SAMD12: variants seen among roughly 807,000 people sequenced by gnomAD.
SAMD12 encodes the protein sterile alpha motif domain containing 12.
Under a neutral mutation model 15.0 loss-of-function variants are expected in SAMD12, and 9 were observed. The ratio of observed to expected loss-of-function variants is 0.60; its 90% CI spans 0.36 to 1.05. The LOEUF is 1.05. SAMD12 is among the 50% of genes least tolerant of loss of function. SAMD12 has a pLI of 0.01. For missense variants in SAMD12, 230 were observed against 234.2 expected, an observed-to-expected ratio of 0.98 and a Z score of 0.12; for synonymous variants, 86 against 90.1, an observed-to-expected ratio of 0.96 and a Z score of 0.25.
chr8:118,292,673 T>C (rs1255792734), intron 4 of SAMD12, among the ~76,000 whole-genome samples: 1 of 151,854 alleles, frequency 6.6e-6, no homozygotes, highest in Non-Finnish European at 1.5e-5. Flanking sequence ...AATGATAGAC[T>C]GGATTAAGAA....
chr8:118,221,245 G>T (rs1169783302), intron 4 of SAMD12, among the ~76,000 whole-genome samples: 1 of 152,160 alleles, frequency 6.6e-6, no homozygotes, highest in Non-Finnish European at 1.5e-5. Context: ...GAGGGATGGG[G>T]GTGGGATGAA....
chr8:118,251,094 G>T (rs1421323210), intron 4 of SAMD12, among the ~76,000 whole-genome samples: 6 of 152,222 alleles, frequency 3.9e-5, no homozygotes, highest in South Asian at 2.1e-4. Flanking sequence ...CGATAGCTGT[G>T]GTCATAGGTA....
the SAMD12 span, among the ~76,000 whole-genome samples, chr8:118,153,236 G>A: frequency 6.6e-6 from 1 of 152,330 alleles, no homozygotes; most frequent in East Asian, 1.9e-4. Flanking sequence ...TGCATCTTGA[G>A]TGTTTGTTGC....
At chr8:118,528,272 T>A (rs1024919787) in intron 2 of SAMD12, among the ~76,000 whole-genome samples, 1 of 152,226 alleles carries the variant, frequency 6.6e-6, no homozygotes, top group Non-Finnish European at 1.5e-5. Flanking sequence ...CCTCAGGTGA[T>A]CTGCCCGCCT....
chr8:118,617,738 A>G (rs1242718070), intron 1 of SAMD12, among the ~76,000 whole-genome samples: 1 of 152,120 alleles, frequency 6.6e-6, no homozygotes, highest in Admixed American at 6.5e-5. Flanking sequence ...AGACTCGTGC[A>G]TTTATATGTC....
At chr8:118,187,412 C>T (rs1449532246), downstream of SAMD12, among the ~76,000 whole-genome samples, 1 of 152,124 alleles carries the variant, frequency 6.6e-6, no homozygotes, top group Non-Finnish European at 1.5e-5. Context: ...ATCTCCTCAA[C>T]CAGCGCCAGC....
chr8:118,475,215 G>T (rs1349517725), intron 2 of SAMD12, among the ~76,000 whole-genome samples: 2 of 151,998 alleles, frequency 1.3e-5, no homozygotes, highest in Non-Finnish European at 2.9e-5. Context: ...CTCCAGCCTG[G>T]GTGACAGAGT....
At chr8:118,178,251 CTTATT>C in the SAMD12 span, among the ~76,000 whole-genome samples, 2 of 152,070 alleles carry the variant, frequency 1.3e-5, no homozygotes, top group Non-Finnish European at 2.9e-5. Context: ...AGTGGTAAAT[CTTATT>C]TTAAGCCAAG....
chr8:118,368,728 G>A (rs1732040382), intron 4 of SAMD12, among the ~76,000 whole-genome samples: 2 of 152,278 alleles, frequency 1.3e-5, no homozygotes, highest in South Asian at 4.1e-4. Flanking sequence ...GGAAGAAAAT[G>A]AGAGAAAAGG....
intron 2 of SAMD12, among the ~76,000 whole-genome samples, chr8:118,501,824 G>A (rs1019132240): frequency 1.3e-5 from 2 of 152,154 alleles, no homozygotes; most frequent in Non-Finnish European, 2.9e-5. Flanking sequence ...AGACCATCCT[G>A]GCTAACACGG....
At chr8:118,535,450 G>T (rs1825813515) in intron 2 of SAMD12, among the ~76,000 whole-genome samples, 1 of 152,164 alleles carries the variant, frequency 6.6e-6, no homozygotes, top group Non-Finnish European at 1.5e-5. Flanking sequence ...CTCCATGCTG[G>T]GAGAACCACT....
At chr8:118,554,009 C>A (rs1271332713) in intron 2 of SAMD12, among the ~76,000 whole-genome samples, 2 of 152,052 alleles carry the variant, frequency 1.3e-5, no homozygotes, top group Non-Finnish European at 2.9e-5. Context: ...GTTAGAATGG[C>A]AATCATTAAA....
downstream of SAMD12, among the ~76,000 whole-genome samples, chr8:118,188,622 A>C (rs1397719222): frequency 6.6e-6 from 1 of 152,138 alleles, no homozygotes; most frequent in African/African-American, 2.4e-5. Context: ...TTTCTCCTGT[A>C]CTGGTTGAGG....
chr8:118,340,397 C>A (rs549280174), intron 4 of SAMD12, among the ~76,000 whole-genome samples: 2 of 152,266 alleles, frequency 1.3e-5, no homozygotes, highest in South Asian at 4.1e-4. Context: ...CTGTCTGTAT[C>A]ATTCTTGCCC....
intron 4 of SAMD12, among the ~76,000 whole-genome samples, chr8:118,315,184 T>G (rs1020901558): frequency 9.9e-5 from 15 of 152,212 alleles, no homozygotes; most frequent in African/African-American, 3.1e-4. Flanking sequence ...TGCCATTTGC[T>G]TTTGGTGAAT....
intron 4 of SAMD12, among the ~76,000 whole-genome samples, chr8:118,236,169 A>G (rs1812425406): frequency 2.0e-5 from 3 of 152,188 alleles, no homozygotes; most frequent in Admixed American, 2.0e-4. Context: ...TACAAATGCC[A>G]CACTGCAACG....
intron 2 of SAMD12, among the ~76,000 whole-genome samples, chr8:118,490,477 GATA>G (rs1311807310): frequency 6.6e-6 from 1 of 152,112 alleles, no homozygotes; most frequent in African/African-American, 2.4e-5. Context: ...TGTGTTCAGG[GATA>G]ATAATAAAGC....
intron 2 of SAMD12, among the ~76,000 whole-genome samples, chr8:118,476,851 A>G (rs927899019): frequency 6.6e-6 from 1 of 152,170 alleles, no homozygotes; most frequent in Non-Finnish European, 1.5e-5. Flanking sequence ...TTGTTTCTTT[A>G]GCTCGAGTAG....
intron 3 of SAMD12, among the ~76,000 whole-genome samples, chr8:118,391,167 G>A (rs2130753872): frequency 6.6e-6 from 1 of 152,282 alleles, no homozygotes; most frequent in Middle Eastern, 3.4e-3. Context: ...GATTTTGTTT[G>A]GGAATTTTGT....
Sources: allele counts gnomAD v4.1 joint callset (sites outside exome capture counted in the v4.1 genomes callset), GRCh38; gene constraint gnomAD v4.1.1; transcripts MANE v1.5; gene names NCBI Gene and HGNC (gene_info 2026-07-23, HGNC 2026-07-21).